LRIG2: variants seen among roughly 807,000 people sequenced by gnomAD.
LRIG2 encodes leucine-rich repeats and immunoglobulin-like domains protein 2.
Under a neutral mutation model 107.8 loss-of-function variants are expected in LRIG2, and 93 were observed. The observed-to-expected ratio is 0.86, with a 90% CI of 0.73 to 1.03. The LOEUF is 1.03. Among genes scored for constraint, LRIG2 ranks in the 50% least tolerant of loss-of-function variants. LRIG2 has a pLI of 0.00. For missense variants in LRIG2, 1,226 were observed against 1,296.0 expected (o/e 0.95, Z 0.83); for synonymous variants, 471 against 470.6 (o/e 1.00, Z -0.01).
At chr1:113,101,214 G>A (rs1442850094) in intron 11 of LRIG2, among the ~76,000 whole-genome samples, 2 of 152,034 alleles carry the variant, frequency 1.3e-5, no homozygotes, top group Admixed American at 6.5e-5. Context: ...GATTACAGGC[G>A]CCTGCCACCA....
chr1:113,073,680 AG>A, intron 1 of LRIG2, 35 bp downstream of exon 1: 1 of 1,581,574 alleles, frequency 6.3e-7, no homozygotes, highest in Non-Finnish European at 8.6e-7. Flanking sequence ...GACCAAAAGG[AG>A]GGGGAGCCTT....
intron 1 of LRIG2, among the ~76,000 whole-genome samples, chr1:113,077,493 G>C (rs929127322): frequency 6.6e-6 from 1 of 152,056 alleles, no homozygotes; most frequent in African/African-American, 2.4e-5. Context: ...TGCTGTACTT[G>C]ATTAATTTAT....
rs1654932545 is a variant in LRIG2, at chr1:113,114,765, G to A, written c.2419G>A (p.Gly807Ser). 2 of 1,613,958 alleles carry A rather than the reference G, an allele frequency of 1.2e-6. No homozygotes were observed. The highest frequency in any genetic ancestry group is 1.3e-5 in the African/African-American group (1 of 74,878). ...GHEDDGWTTV[G>S]IVIIVVVCCV... The stretch of plus-strand genomic sequence containing the variant: ...TGAAGATGATGGCTGGACCACAGTT[G>A]GCATTGTCATCATTGTTGTGGTCTG... Residue 807 changes from glycine to serine, a missense_variant, in exon 15 of 18, where the codon GGC becomes AGC. Physicochemically the swap from Gly to Ser is moderately conservative, Grantham distance 56 (BLOSUM62 0). This residue lies in a region of LRIG2 where 642 missense variants were observed against 712.2 expected (regional missense o/e 0.90). Coordinates refer to ENST00000361127, the MANE Select transcript of LRIG2 (RefSeq NM_014813.3).
Position 113,073,342 on chromosome 1 carries a change from T to A in LRIG2, c.-65T>A, listed in dbSNP as rs1431165239. ...CAGCCACCGAGCATCTCTGCTGAGC[T>A]TCTCCGCCGATCCTCCTTTTCTAGC... On this transcript the variant is annotated 5_prime_UTR_variant, in exon 1 of 18. Coordinates refer to ENST00000361127, the MANE Select transcript of LRIG2 (RefSeq NM_014813.3). 2.2e-6 allele frequency: 3 copies of A among 1,351,120 alleles called. No homozygotes were observed. The Admixed American group carries it at 5.3e-5, about 24-fold the overall frequency. 83.7% of individuals were successfully genotyped at this position (1,351,120 alleles called of 1,614,324 possible).
rs3789593 is a variant in LRIG2, at chr1:113,113,315, A to G, written c.2080+555A>G. Among the ~76,000 whole-genome samples, 50 of 150,018 alleles carry G rather than the reference A, an allele frequency of 3.3e-4. No individual in the cohort carries two copies. In the East Asian group the frequency reaches 7.8e-3, roughly 23 times the overall value. On this transcript the variant is annotated intron_variant, in intron 14 of 17. Coordinates refer to ENST00000361127, the MANE Select transcript of LRIG2 (RefSeq NM_014813.3). Reference sequence around the variant, plus strand: ...TGGTAAAATGCCTTTTTTCCTAAAAATTTTCCCCTGCTGGCCTGGGTTTTT... The same window carrying G: ...TGGTAAAATGCCTTTTTTCCTAAAAGTTTTCCCCTGCTGGCCTGGGTTTTT...
Position 113,124,187 on chromosome 1 carries a change from C to T in LRIG2, c.*86C>T, listed in dbSNP as rs1655390704. ...CAGAGCTCAGAAGAAACTCCGAAGT[C>T]AGCATTTGCTTTACTCTTTCTTTAT... On this transcript the variant is annotated 3_prime_UTR_variant, in exon 18 of 18. Transcript: ENST00000361127. 1.7e-6 allele frequency: 2 copies of T among 1,171,684 alleles called. No individual in the cohort carries two copies. Among genetic ancestry groups the T allele is most frequent in the Admixed American group, 4.0e-5 (2 of 49,912 alleles). 72.6% of individuals were successfully genotyped at this position (1,171,684 alleles called of 1,614,324 possible).
intron 11 of LRIG2, among the ~76,000 whole-genome samples, chr1:113,107,136 G>A (rs1654574123): frequency 6.6e-6 from 1 of 151,936 alleles, no homozygotes; most frequent in South Asian, 2.1e-4. Context: ...TGCAGCCATG[G>A]TGACACTTCA....
chr1:113,115,939 C>CT (rs1241034786), intron 15 of LRIG2, among the ~76,000 whole-genome samples: 2 of 152,170 alleles, frequency 1.3e-5, no homozygotes, highest in African/African-American at 2.4e-5. Context: ...AGATCAGTCT[C>CT]TTTTTTTCCC....
Position 113,112,774 on chromosome 1 carries a change from T to C in LRIG2, c.2080+14T>C. 6.3e-7 allele frequency: 1 copy of C among 1,576,832 alleles called. No homozygotes were observed. The highest frequency in any genetic ancestry group is 8.7e-7 in the Non-Finnish European group (1 of 1,154,392). On this transcript the variant is annotated intron_variant, in intron 14 of 17. Transcript: ENST00000361127. ...TAACAGTGTTAGGTACGTTTACTGC[T>C]CCATGGGTCCCTGCTTTTGTTGGAG...
chr1:113,104,832 A>G (rs1654464627), intron 11 of LRIG2, among the ~76,000 whole-genome samples: 1 of 152,114 alleles, frequency 6.6e-6, no homozygotes, highest in Admixed American at 6.5e-5. Flanking sequence ...CTCAGTTTCC[A>G]TTTCTAGAAA....
chr1:113,109,371 C>T (rs973992892), intron 12 of LRIG2, among the ~76,000 whole-genome samples: 1 of 152,186 alleles, frequency 6.6e-6, no homozygotes, highest in Non-Finnish European at 1.5e-5. Flanking sequence ...GACATTTGAC[C>T]TATTTGGATT....
At chr1:113,115,262 C>T (rs1159487458) in intron 15 of LRIG2, among the ~76,000 whole-genome samples, 1 of 152,172 alleles carries the variant, frequency 6.6e-6, no homozygotes, top group Admixed American at 6.5e-5. Flanking sequence ...ATGCCCAGGT[C>T]AGAGTGTATC....
chr1:113,118,531 A>T (rs1488791483), intron 16 of LRIG2, among the ~76,000 whole-genome samples: 5 of 152,236 alleles, frequency 3.3e-5, no homozygotes, highest in African/African-American at 9.6e-5. Flanking sequence ...GCACAGTACC[A>T]GCCTTATCTT....
At position 113,125,677 on chromosome 1, in the gene LRIG2, C is replaced by G. The variant is rs1391058306; in HGVS notation, c.*1576C>G. 8 of 152,252 alleles carry G rather than the reference C, an allele frequency of 5.3e-5. No homozygotes were observed. The highest frequency in any genetic ancestry group is 5.2e-4 in the Admixed American group (8 of 15,282). 9.4% of individuals were successfully genotyped at this position (152,252 alleles called of 1,614,324 possible). On this transcript the variant is annotated 3_prime_UTR_variant, in exon 18 of 18. Transcript: ENST00000361127. Reference sequence around the variant, plus strand: ...ACAGTTGCTGATATCAGAACCATCTCTTTCATTCTGTGACTTTGCTCTTGC... The same window carrying G: ...ACAGTTGCTGATATCAGAACCATCTGTTTCATTCTGTGACTTTGCTCTTGC...
chr1:113,074,572 C>A (rs1022103392), intron 1 of LRIG2, among the ~76,000 whole-genome samples: 4 of 152,148 alleles, frequency 2.6e-5, no homozygotes, highest in Admixed American at 6.6e-5. Context: ...AACTGAGCAG[C>A]ACGTTTATTA....
intron 1 of LRIG2, among the ~76,000 whole-genome samples, chr1:113,084,340 C>T (rs1367817571): frequency 2.6e-5 from 4 of 151,490 alleles, no homozygotes; most frequent in East Asian, 1.9e-4. Context: ...CTCAGCCTCC[C>T]GAGTAGCTGG....
chr1:113,084,309 G>A (rs202034557), intron 1 of LRIG2, among the ~76,000 whole-genome samples: 3 of 144,594 alleles, frequency 2.1e-5, no homozygotes, highest in Non-Finnish European at 3.0e-5. Context: ...TCTGCCTCCC[G>A]GGTTCACGCC....
chr1:113,104,345 A>ACTAAG (rs1233734509), intron 11 of LRIG2, among the ~76,000 whole-genome samples: 2 of 151,904 alleles, frequency 1.3e-5, no homozygotes, highest in Non-Finnish European at 2.9e-5. Context: ...CTTCCTGGGG[A>ACTAAG]TCTCTCAGGG....
intron 12 of LRIG2, 33 bp from the exon 13 acceptor site, chr1:113,110,209 G>C: frequency 7.0e-7 from 1 of 1,432,802 alleles, no homozygotes; most frequent in Non-Finnish European, 9.5e-7. Context: ...ATAAATAACT[G>C]ACTTGGCTAC....
Sources: allele counts gnomAD v4.1 joint callset (sites outside exome capture counted in the v4.1 genomes callset), GRCh38; gene constraint gnomAD v4.1.1; regional missense constraint gnomAD v4.1.1; transcripts MANE v1.5; gene names NCBI Gene and HGNC (gene_info 2026-07-23, HGNC 2026-07-21).